Variants in AFF3 observed in about 807,000 individuals in gnomAD.
The protein encoded by AFF3 is AF4/FMR2 family member 3.
AFF3 carries 32 observed loss-of-function variants against 129.7 expected under a neutral mutation model. That is an observed-to-expected ratio of 0.25 (90% CI 0.19 to 0.33). The LOEUF (loss-of-function observed/expected upper bound fraction) is 0.33, where lower values mean the gene tolerates loss of function less well. Ranked by LOEUF, AFF3 falls within the 10% of genes least tolerant of loss-of-function variation. AFF3 has a pLI of 1.00. For synonymous variants in AFF3, 644 were observed against 635.4 expected, an observed-to-expected ratio of 1.01 and a Z score of -0.20; for missense variants, 1,373 against 1,592.0, an observed-to-expected ratio of 0.86 and a Z score of 2.34.
chr2:99,707,226 C>T (rs1677484172), intron 11 of AFF3: 1 of 985,388 alleles, frequency 1.0e-6, no homozygotes, highest in South Asian at 4.7e-5. Context: ...CCATCTCCTA[C>T]AGAACAGTGT....
Position 99,554,725 on chromosome 2 carries a change from G to C in AFF3, c.3293C>G (p.Ser1098Cys). The change falls in exon 23 of 25, where the codon TCT (serine) becomes TGT (cysteine). Residue 1098 changes from serine (S) to cysteine (C), a missense_variant. Coordinates refer to ENST00000672756, the MANE Select transcript of AFF3 (RefSeq NM_001386135.1). ...CGGAGATGGGGCTTGGGCGGCTTTA[G>C]ATGAGTTCTGCAAGAAAATAAAAAC... is the stretch of plus-strand genomic sequence containing the variant. ...KALIDYFKNS[S>C]KAAQAPSPWG... 1 of 1,614,234 alleles carries C rather than the reference G, an allele frequency of 6.2e-7. No homozygotes were observed. Among genetic ancestry groups the C allele is most frequent in the Non-Finnish European group, 8.5e-7 (1 of 1,180,044 alleles).
chr2:99,633,909 CTT>C (rs139661861), intron 13 of AFF3, among the ~76,000 whole-genome samples: 11 of 116,406 alleles, frequency 9.4e-5, no homozygotes, highest in East Asian at 5.3e-4. Context: ...TTCTTCCTTC[CTT>C]TTTTTTTTTT....
At chr2:99,660,021 G>A (rs76820663) in intron 12 of AFF3, among the ~76,000 whole-genome samples, 1,781 of 152,272 alleles carry the variant, frequency 0.012, 21 homozygotes, top group Non-Finnish European at 0.019. Flanking sequence ...CCAAGATGGC[G>A]ATGTCCATTA....
At chr2:100,047,815 C>A (rs1348514251) in intron 4 of AFF3, among the ~76,000 whole-genome samples, 1 of 152,198 alleles carries the variant, frequency 6.6e-6, no homozygotes, top group Non-Finnish European at 1.5e-5. Context: ...CTTGTATTAA[C>A]TAGTGCCATA....
At chr2:99,796,715 G>A (rs1685577631) in intron 8 of AFF3, among the ~76,000 whole-genome samples, 1 of 152,142 alleles carries the variant, frequency 6.6e-6, no homozygotes, top group Non-Finnish European at 1.5e-5. Context: ...GCAGAGTTCT[G>A]AGTGGCACAA....
At chr2:99,869,182 T>A (rs753868861) in intron 7 of AFF3, among the ~76,000 whole-genome samples, 18 of 152,106 alleles carry the variant, frequency 1.2e-4, no homozygotes, top group Non-Finnish European at 2.6e-4. Context: ...AGCTTAGGGC[T>A]TTCACCAAAA....
chr2:99,754,414 T>C (rs1558818430), intron 8 of AFF3, among the ~76,000 whole-genome samples: 1 of 152,204 alleles, frequency 6.6e-6, no homozygotes, highest in East Asian at 1.9e-4. Context: ...TAATTACTCA[T>C]GATTAAACAT....
intron 18 of AFF3, among the ~76,000 whole-genome samples, chr2:99,575,490 A>C (rs1239359918): frequency 2.0e-5 from 3 of 146,934 alleles, no homozygotes; most frequent in African/African-American, 7.6e-5. Flanking sequence ...CAAGCTCCTG[A>C]CCTCAAGTGA....
chr2:99,605,551 C>T (rs1680245209), intron 13 of AFF3, among the ~76,000 whole-genome samples: 1 of 152,198 alleles, frequency 6.6e-6, no homozygotes, highest in African/African-American at 2.4e-5. Flanking sequence ...CTGCTCCCAC[C>T]ACGGGTGCTT....
At chr2:99,974,733 C>T (rs2104452949) in intron 7 of AFF3, among the ~76,000 whole-genome samples, 1 of 152,288 alleles carries the variant, frequency 6.6e-6, no homozygotes, top group South Asian at 2.1e-4. Flanking sequence ...AAAACAAATG[C>T]AAAAGCTGAC....
chr2:100,069,081 TA>T (rs1687964176), intron 4 of AFF3, among the ~76,000 whole-genome samples: 1 of 148,118 alleles, frequency 6.8e-6, no homozygotes, highest in African/African-American at 2.4e-5. Context: ...ACTCTCTAGT[TA>T]TTTTTTTTTT....
chr2:99,738,970 T>G (rs1224910498), intron 10 of AFF3, among the ~76,000 whole-genome samples: 1 of 151,962 alleles, frequency 6.6e-6, no homozygotes, highest in Non-Finnish European at 1.5e-5. Flanking sequence ...TGTATTCTGT[T>G]TCTCTCTTTG....
At chr2:99,973,700 CT>C (rs34744903) in intron 7 of AFF3, among the ~76,000 whole-genome samples, 16 of 146,864 alleles carry the variant, frequency 1.1e-4, no homozygotes, top group Middle Eastern at 3.5e-3. Flanking sequence ...TTTTTTTTTC[CT>C]TTTTTTTTTA....
At chr2:99,889,655 C>T (rs1291429477) in intron 7 of AFF3, among the ~76,000 whole-genome samples, 1 of 152,108 alleles carries the variant, frequency 6.6e-6, no homozygotes, top group Non-Finnish European at 1.5e-5. Flanking sequence ...CCCCGGAGCC[C>T]TGAAACTTAA....
At chr2:99,820,656 C>G (rs1241317953) in intron 8 of AFF3, among the ~76,000 whole-genome samples, 1 of 148,272 alleles carries the variant, frequency 6.7e-6, no homozygotes, top group Non-Finnish European at 1.5e-5. Flanking sequence ...CTTTTTGACT[C>G]TTTTGTAATA....
At chr2:99,922,662 G>T (rs1180049629) in intron 7 of AFF3, among the ~76,000 whole-genome samples, 1 of 152,092 alleles carries the variant, frequency 6.6e-6, no homozygotes, top group East Asian at 1.9e-4. Flanking sequence ...CTGAGTGAAA[G>T]GTAAATTTAG....
chr2:99,775,050 C>T (rs766491239), intron 8 of AFF3, among the ~76,000 whole-genome samples: 79 of 152,292 alleles, frequency 5.2e-4, no homozygotes, highest in Middle Eastern at 3.4e-3. Context: ...GATATCATCT[C>T]ACGTCAGTCA....
At chr2:100,131,619 C>G (rs1692432475) in intron 1 of AFF3, among the ~76,000 whole-genome samples, 1 of 151,936 alleles carries the variant, frequency 6.6e-6, no homozygotes, top group African/African-American at 2.4e-5. Context: ...ACCACCACAC[C>G]CGGCTAATTT....
intron 7 of AFF3, among the ~76,000 whole-genome samples, chr2:99,976,806 T>A (rs1178192718): frequency 3.3e-5 from 5 of 151,872 alleles, no homozygotes; most frequent in Non-Finnish European, 7.4e-5. Flanking sequence ...CTGTTTTTTT[T>A]TTTTTTTCCT....
Sources: allele counts gnomAD v4.1 joint callset (sites outside exome capture counted in the v4.1 genomes callset), GRCh38; gene constraint gnomAD v4.1.1; transcripts MANE v1.5; gene names NCBI Gene and HGNC (gene_info 2026-07-23, HGNC 2026-07-21).